The following ITGB8 variants were observed in gnomAD, a reference collection of about 807,000 sequenced individuals.
ITGB8 encodes the protein integrin beta-8.
ITGB8 carries 30 observed loss-of-function variants against 89.5 expected under a neutral mutation model. That is an observed-to-expected ratio of 0.34 (90% CI 0.25 to 0.45). The LOEUF (loss-of-function observed/expected upper bound fraction) is 0.45, where lower values mean the gene tolerates loss of function less well. Among genes scored for constraint, ITGB8 ranks in the 20% least tolerant of loss-of-function variants. The pLI is 1.00. For missense variants in ITGB8, 836 were observed against 933.3 expected (o/e 0.90, Z 1.36); for synonymous variants, 335 against 320.4 (o/e 1.05, Z -0.49).
chr7:20,410,050 T>C lies in ITGB8; in HGVS notation c.*53T>C. ...AACTGGAATTGTTAATAATTGCTCC[T>C]AAAGATTATAATTTTAAAAGTCACA... On this transcript the variant is annotated 3_prime_UTR_variant, in exon 14 of 14. Transcript: ENST00000222573. 7 of 1,549,874 alleles carry C rather than the reference T, an allele frequency of 4.5e-6. No homozygotes were observed. Among genetic ancestry groups the C allele is most frequent in the Non-Finnish European group, 6.1e-6 (7 of 1,140,232 alleles).
intron 9 of ITGB8, 89 bp downstream of exon 9, chr7:20,399,083 T>G: frequency 7.4e-7 from 1 of 1,346,056 alleles, no homozygotes; most frequent in Non-Finnish European, 1.0e-6. Context: ...CTGAAAAATT[T>G]TACTTACTAC....
upstream of ITGB8, chr7:20,330,740 G>A (rs1184483712): frequency 6.6e-6 from 1 of 152,200 alleles, no homozygotes; most frequent in African/African-American, 2.4e-5. Context: ...CAGCCGAGGC[G>A]AGGCGCTCCG....
chr7:20,366,942 G>A, intron 2 of ITGB8, 70 bp from the exon 3 acceptor site: 7 of 1,016,638 alleles, frequency 6.9e-6, no homozygotes, highest in South Asian at 1.6e-5. Context: ...TGCAATATTT[G>A]CTATGTCATT....
At chr7:20,409,188 C>G (rs901817199) in intron 12 of ITGB8, among the ~76,000 whole-genome samples, 1 of 152,204 alleles carries the variant, frequency 6.6e-6, no homozygotes, top group African/African-American at 2.4e-5. Context: ...GAAACATATC[C>G]TAAGGCCCAG....
rs549807735 is a variant in ITGB8, at chr7:20,411,866, T to C, written c.*1869T>C. 9.5e-4 allele frequency: 145 copies of C among 152,456 alleles called. No individual in the cohort carries two copies. Among genetic ancestry groups the C allele is most frequent in the South Asian group, 6.2e-3 (30 of 4,810 alleles). The allele number at this position is 152,456 out of a possible 1,614,324, so 9.4% of individuals were successfully genotyped here. Reference sequence around the variant, plus strand: ...TCCAGTGCTCAGCTTGAGACCTTGATACACGGGCCATGAGCCCTGTCTTCC... The same window carrying C: ...TCCAGTGCTCAGCTTGAGACCTTGACACACGGGCCATGAGCCCTGTCTTCC... On this transcript the variant is annotated 3_prime_UTR_variant, in exon 14 of 14. Transcript: ENST00000222573.
At chr7:20,404,489 C>T (rs1405224793) in intron 10 of ITGB8, 139 bp from the exon 11 acceptor site, 7 of 716,318 alleles carry the variant, frequency 9.8e-6, no homozygotes, top group Admixed American at 2.1e-5. Flanking sequence ...TTGTGTCAGA[C>T]CAATGAAAAA....
At chr7:20,332,789 G>C (rs1274578549) in intron 1 of ITGB8, among the ~76,000 whole-genome samples, 1 of 152,204 alleles carries the variant, frequency 6.6e-6, no homozygotes, top group African/African-American at 2.4e-5. Context: ...ATGTAAGGTG[G>C]TATACCAGAT....
intron 8 of ITGB8, among the ~76,000 whole-genome samples, chr7:20,396,965 GTTATTAT>G (rs1787107439): frequency 6.6e-6 from 1 of 152,034 alleles, no homozygotes; most frequent in Admixed American, 6.6e-5. Flanking sequence ...TTGGAATTCT[GTTATTAT>G]TTTATATATG....
intron 9 of ITGB8, among the ~76,000 whole-genome samples, chr7:20,401,116 C>A (rs1210806902): frequency 6.6e-6 from 1 of 152,078 alleles, no homozygotes; most frequent in Non-Finnish European, 1.5e-5. Flanking sequence ...GTAGCTGAGA[C>A]TACAGGTGCG....
In ITGB8 at chr7:20,409,682, G is replaced by A. The variant is rs767221569; in HGVS notation, c.2091G>A (p.Gly697=). ...TTTTCATAGTTACATTCTTGATTGG[G>A]TTGCTTAAAGTCCTGATCATTAGAC... The part of the protein sequence containing the change: ...FIIFIVTFLI[G]LLKVLIIRQV... Residue 697 remains glycine, a synonymous_variant, in exon 13 of 14, where the codon GGG becomes GGA. Transcript: ENST00000222573. The A allele has an allele frequency of 2.5e-6, 4 of 1,610,224 alleles. No individual in the cohort carries two copies. In the South Asian group the frequency reaches 4.4e-5, roughly 18 times the overall value.
At chr7:20,368,856 T>C (rs1236902374) in intron 3 of ITGB8, among the ~76,000 whole-genome samples, 2 of 152,220 alleles carry the variant, frequency 1.3e-5, no homozygotes, top group African/African-American at 2.4e-5. Context: ...CTGATCTATA[T>C]GAGCCTGAGA....
rs1386537628 is a variant in ITGB8 at position 20,331,585 on chromosome 7, C to T, written c.-222C>T. ...TGCTTCTCGCGGAGACCGCGGGACCCGCCGTGCCGAGCCGGGAGGGCCGCA... is the reference window on the plus strand; with the variant it reads ...TGCTTCTCGCGGAGACCGCGGGACCTGCCGTGCCGAGCCGGGAGGGCCGCA... On this transcript the variant is annotated 5_prime_UTR_variant, in exon 1 of 14. Coordinates refer to ENST00000222573, the MANE Select transcript of ITGB8 (RefSeq NM_002214.3). 6.3e-6 allele frequency: 3 copies of T among 476,116 alleles called. No individual in the cohort carries two copies. The East Asian group carries it at 1.1e-4, about 17-fold the overall frequency. 29.5% of individuals were successfully genotyped at this position (476,116 alleles called of 1,614,324 possible). A position where few individuals can be genotyped will look rare whatever the true frequency, so the allele number is the denominator to read the frequency against.
At chr7:20,378,503 A>G (rs1786246187) in intron 3 of ITGB8, among the ~76,000 whole-genome samples, 1 of 152,202 alleles carries the variant, frequency 6.6e-6, no homozygotes, top group African/African-American at 2.4e-5. Context: ...ATTATTTTGA[A>G]TAGCTTGCTG....
intron 1 of ITGB8, among the ~76,000 whole-genome samples, chr7:20,339,190 CGA>C (rs1784672730): frequency 4.4e-5 from 1 of 22,976 alleles, no homozygotes; most frequent in Non-Finnish European, 7.5e-5. Context: ...GACTCCATCT[CGA>C]AAAAAAAAAA....
intron 1 of ITGB8, among the ~76,000 whole-genome samples, chr7:20,353,931 C>CAAAAAAAA (rs1158594685): frequency 8.4e-4 from 47 of 55,640 alleles, no homozygotes; most frequent in African/African-American, 1.3e-3. Context: ...GACTCCGTCT[C>CAAAAAAAA]AAAAAAAAAA....
chr7:20,350,508 A>T (rs17364861), intron 1 of ITGB8, among the ~76,000 whole-genome samples: 53,724 of 152,054 alleles, frequency 0.35, 9,963 homozygotes, highest in Non-Finnish European at 0.41. Context: ...ACAGTCCCAT[A>T]AACTCACAGA....
rs1583556883 is a variant in ITGB8 at position 20,415,499 on chromosome 7, G to A, written c.*5502G>A. The A allele has an allele frequency of 6.6e-6, 1 of 152,390 alleles. No individual in the cohort carries two copies. The highest frequency in any genetic ancestry group is 1.5e-5 in the Non-Finnish European group (1 of 67,932). The allele number at this position is 152,390 out of a possible 1,614,324, so 9.4% of individuals were successfully genotyped here. A position where few individuals can be genotyped will look rare whatever the true frequency, so the allele number is the denominator to read the frequency against. On this transcript the variant is annotated 3_prime_UTR_variant, in exon 14 of 14. Coordinates refer to ENST00000222573, the MANE Select transcript of ITGB8 (RefSeq NM_002214.3). Reference sequence around the variant, plus strand: ...ATACGTAACTTAAATTGTCTTAAATGATACAGAATATTGGAGAATATGATA... The same window carrying A: ...ATACGTAACTTAAATTGTCTTAAATAATACAGAATATTGGAGAATATGATA...
intron 4 of ITGB8, 36 bp from the exon 5 acceptor site, chr7:20,380,630 C>G: frequency 6.4e-7 from 1 of 1,568,636 alleles, no homozygotes; most frequent in East Asian, 2.2e-5. Flanking sequence ...TTAAGAAGAG[C>G]AAAATAAACT....
chr7:20,346,444 C>A (rs1784926274), intron 1 of ITGB8, among the ~76,000 whole-genome samples: 1 of 152,098 alleles, frequency 6.6e-6, no homozygotes, highest in Non-Finnish European at 1.5e-5. Flanking sequence ...AATAAGGGTG[C>A]ATCTGGGAGT....
Sources: gnomAD v4.1 joint callset for allele counts (sites outside exome capture counted in the v4.1 genomes callset) on GRCh38, gnomAD v4.1.1 for gene constraint, MANE v1.5 for transcripts, NCBI Gene and HGNC (gene_info 2026-07-23, HGNC 2026-07-21) for gene names.